Variants in DPF3 observed in about 807,000 individuals in gnomAD.
DPF3 encodes the protein double PHD fingers 3.
DPF3 carries 18 observed loss-of-function variants against 56.8 expected under a neutral mutation model. The ratio of observed to expected loss-of-function variants is 0.32; its 90% CI spans 0.22 to 0.47. The LOEUF (loss-of-function observed/expected upper bound fraction) is 0.47, where lower values mean the gene tolerates loss of function less well. Among genes scored for constraint, DPF3 ranks in the 20% least tolerant of loss-of-function variants. DPF3 has a pLI of 1.00. For missense variants in DPF3, 403 were observed against 488.8 expected (o/e 0.82, Z 1.65); for synonymous variants, 188 against 180.2 (o/e 1.04, Z -0.35).
At chr14:72,634,659 T>G (rs1420370318) in intron 8 of DPF3, among the ~76,000 whole-genome samples, 2 of 151,986 alleles carry the variant, frequency 1.3e-5, no homozygotes, top group Admixed American at 1.3e-4. Flanking sequence ...GGTATTAGGC[T>G]GGTGCAAAAG....
At chr14:72,855,403 C>A (rs1342326197) in intron 1 of DPF3, among the ~76,000 whole-genome samples, 2 of 152,204 alleles carry the variant, frequency 1.3e-5, no homozygotes, top group Non-Finnish European at 2.9e-5. Flanking sequence ...TTATGAGTGG[C>A]TCCAATTTAC....
At chr14:72,722,881 TC>T in intron 5 of DPF3, among the ~76,000 whole-genome samples, 1 of 152,140 alleles carries the variant, frequency 6.6e-6, no homozygotes, top group East Asian at 1.9e-4. Context: ...CCTCTGCCCT[TC>T]CCCAGGCTCT....
intron 7 of DPF3, among the ~76,000 whole-genome samples, chr14:72,683,753 A>G (rs893346653): frequency 6.6e-6 from 1 of 152,150 alleles, no homozygotes; most frequent in Non-Finnish European, 1.5e-5. Flanking sequence ...CTCATTAACA[A>G]TCAGGTTGGA....
intron 2 of DPF3, among the ~76,000 whole-genome samples, chr14:72,759,527 A>AGC (rs1031141125): frequency 6.6e-6 from 1 of 151,042 alleles, no homozygotes; most frequent in African/African-American, 2.4e-5. Context: ...AGAGAGAGAG[A>AGC]GATGAAAGAG....
At chr14:72,893,624 G>T (rs950239262) in intron 1 of DPF3, among the ~76,000 whole-genome samples, 25 of 151,802 alleles carry the variant, frequency 1.6e-4, no homozygotes, top group Non-Finnish European at 3.1e-4. Flanking sequence ...GGGGGCGCGG[G>T]GCTCGGCCAA....
intron 1 of DPF3, among the ~76,000 whole-genome samples, chr14:72,795,198 C>T (rs939662826): frequency 6.7e-6 from 1 of 150,276 alleles, no homozygotes; most frequent in South Asian, 2.1e-4. Context: ...ACTTGAATAC[C>T]GTCAAAGCAA....
At chr14:72,890,282 C>T (rs374553191) in intron 1 of DPF3, among the ~76,000 whole-genome samples, 45 of 152,074 alleles carry the variant, frequency 3.0e-4, no homozygotes, top group Middle Eastern at 6.8e-3. Flanking sequence ...CTTGAGGCCA[C>T]GAGTTTGAGA....
At chr14:72,852,024 C>G (rs1412434090) in intron 1 of DPF3, among the ~76,000 whole-genome samples, 1 of 152,208 alleles carries the variant, frequency 6.6e-6, no homozygotes, top group Non-Finnish European at 1.5e-5. Flanking sequence ...CTTTTGGAGA[C>G]GCAGAAGCTA....
chr14:72,621,609 G>A (rs1486141854), intron 9 of DPF3, among the ~76,000 whole-genome samples: 1 of 152,186 alleles, frequency 6.6e-6, no homozygotes, highest in Admixed American at 6.5e-5. Context: ...TTGCAGTTTA[G>A]AAAGATCTTA....
chr14:72,693,555 CA>C (rs1434542026), intron 6 of DPF3, among the ~76,000 whole-genome samples: 4 of 152,206 alleles, frequency 2.6e-5, no homozygotes, highest in Non-Finnish European at 4.4e-5. Flanking sequence ...ACTTACCTCA[CA>C]GGGTCATTGT....
At position 72,826,621 on chromosome 14, in the gene DPF3, T is replaced by G. The variant is rs183810240; in HGVS notation, c.33-54728A>C. On this transcript the variant is annotated intron_variant, in intron 1 of 10. Coordinates refer to ENST00000556509, the MANE Select transcript of DPF3 (RefSeq NM_001280542.3). ...TCATTCTTATTCAGGAGCTCATTCA[T>G]TCATTCAGCAAACATTCATGAACAC... Among the ~76,000 whole-genome samples the G allele has an allele frequency of 3.3e-3, 498 of 152,344 alleles. 1 individual carries two copies. Among genetic ancestry groups the G allele is most frequent in the Non-Finnish European group, 4.7e-3 (320 of 68,030 alleles).
intron 1 of DPF3, among the ~76,000 whole-genome samples, chr14:72,877,272 T>C (rs1414065912): frequency 1.3e-5 from 2 of 151,932 alleles, no homozygotes; most frequent in African/African-American, 4.8e-5. Context: ...TGGAGGAGAG[T>C]GGGCTGTCCA....
At chr14:72,809,191 C>T (rs1882923155) in intron 1 of DPF3, among the ~76,000 whole-genome samples, 1 of 152,212 alleles carries the variant, frequency 6.6e-6, no homozygotes, top group African/African-American at 2.4e-5. Context: ...AGGGCCATGC[C>T]CTTGAACTTC....
At chr14:72,735,558 C>T (rs556984501) in intron 3 of DPF3, among the ~76,000 whole-genome samples, 4 of 152,330 alleles carry the variant, frequency 2.6e-5, no homozygotes, top group African/African-American at 9.6e-5. Flanking sequence ...CCAATAGCAT[C>T]AAGAGTCCAA....
At chr14:72,871,434 T>G (rs1885896889) in intron 1 of DPF3, among the ~76,000 whole-genome samples, 1 of 152,198 alleles carries the variant, frequency 6.6e-6, no homozygotes. Context: ...AGCTAGTTAC[T>G]TCCTAGGTAT....
intron 1 of DPF3, among the ~76,000 whole-genome samples, chr14:72,815,517 C>T (rs1011639835): frequency 6.6e-6 from 1 of 152,208 alleles, no homozygotes; most frequent in African/African-American, 2.4e-5. Flanking sequence ...ACACAAAGAC[C>T]TATAAATAGG....
chr14:72,684,073 A>C (rs1414345952), intron 7 of DPF3, among the ~76,000 whole-genome samples: 2 of 152,050 alleles, frequency 1.3e-5, no homozygotes, highest in African/African-American at 2.4e-5. Context: ...TAGAAACAAG[A>C]TCTCTCTCTG....
chr14:72,678,209 T>G (rs1322608561), intron 7 of DPF3, among the ~76,000 whole-genome samples: 1 of 152,244 alleles, frequency 6.6e-6, no homozygotes, highest in Admixed American at 6.5e-5. Flanking sequence ...TCCCCAGAGA[T>G]TGTGCCTCTA....
chr14:72,757,027 G>A (rs1243679339), intron 2 of DPF3, among the ~76,000 whole-genome samples: 1 of 133,722 alleles, frequency 7.5e-6, no homozygotes, highest in Non-Finnish European at 1.6e-5. Flanking sequence ...GGGGAAGAAG[G>A]GGAGAGAGGG....
Sources: allele counts gnomAD v4.1 joint callset (sites outside exome capture counted in the v4.1 genomes callset), GRCh38; gene constraint gnomAD v4.1.1; transcripts MANE v1.5; gene names NCBI Gene and HGNC (gene_info 2026-07-23, HGNC 2026-07-21).